The following XKR4 variants were observed in gnomAD, a reference collection of about 807,000 sequenced individuals.
XKR4 encodes the protein XK-related protein 4.
In XKR4, 12 loss-of-function variants were observed where a neutral mutation model predicts 53.9. The observed-to-expected ratio is 0.22, with a 90% CI of 0.14 to 0.36. The LOEUF is 0.36. Ranked by LOEUF, XKR4 falls within the 10% of genes least tolerant of loss-of-function variation. XKR4 has a pLI of 1.00. For missense variants in XKR4, 799 were observed against 859.5 expected, an observed-to-expected ratio of 0.93 and a Z score of 0.88; for synonymous variants, 354 against 362.4, an observed-to-expected ratio of 0.98 and a Z score of 0.26.
intron 1 of XKR4, among the ~76,000 whole-genome samples, chr8:55,254,395 G>C (rs932482217): frequency 1.3e-5 from 2 of 152,052 alleles, no homozygotes; most frequent in African/African-American, 2.4e-5. Flanking sequence ...CATGGCCCAC[G>C]GTTGTCATGG....
intron 2 of XKR4, among the ~76,000 whole-genome samples, chr8:55,391,879 T>C (rs982342752): frequency 2.6e-5 from 4 of 152,152 alleles, no homozygotes; most frequent in Non-Finnish European, 4.4e-5. Context: ...TAAAGAAAAA[T>C]AGAGACGCAA....
intron 1 of XKR4, among the ~76,000 whole-genome samples, chr8:55,259,456 G>A (rs190415648): frequency 1.3e-5 from 2 of 152,246 alleles, no homozygotes; most frequent in African/African-American, 2.4e-5. Context: ...AGAGAATGAC[G>A]GAGAGTGCCC....
rs910429488 is a variant in XKR4, at chr8:55,529,963, A to T, written c.*5736A>T. On this transcript the variant is annotated 3_prime_UTR_variant, in exon 3 of 3. Transcript: ENST00000327381. ...TCCCCCTCCTATGGCTCCACTATGT[A>T]TTCAATTAAGTGATAAATATAAATT... 6.6e-6 allele frequency: 1 copy of T among 152,218 alleles called. No individual in the cohort carries two copies. The highest frequency in any genetic ancestry group is 2.4e-5 in the African/African-American group (1 of 41,446). The allele number at this position is 152,218 out of a possible 1,614,324, so 9.4% of individuals were successfully genotyped here.
At position 55,102,891 on chromosome 8, in the gene XKR4, G is replaced by GACT; in HGVS notation, c.409_411dup (p.Tyr137dup). 2.5e-6 allele frequency: 4 copies of GACT among 1,612,160 alleles called. No homozygotes were observed. The highest frequency in any genetic ancestry group is 3.4e-6 in the Non-Finnish European group (4 of 1,179,922). On this transcript the variant is annotated inframe_insertion, in exon 1 of 3. Transcript: ENST00000327381. This position sits in a 1 kb window ranked among gnomAD's most constrained non-coding sequence, Gnocchi z 5.1. ...GGGCACAGACGTCTGGCTCGCCGTG[G>GACT]ACTACTACCTGCGCGGCCAGCGCTG...
chr8:55,228,923 T>C (rs2129366573), intron 1 of XKR4, among the ~76,000 whole-genome samples: 1 of 152,086 alleles, frequency 6.6e-6, no homozygotes, highest in Admixed American at 6.5e-5. Flanking sequence ...AGGGAATTTA[T>C]TAAAAGAAAA....
At chr8:55,301,262 T>G (rs1290461301) in intron 1 of XKR4, among the ~76,000 whole-genome samples, 2 of 151,172 alleles carry the variant, frequency 1.3e-5, no homozygotes, top group Non-Finnish European at 2.9e-5. Flanking sequence ...TTTTTGTCCT[T>G]GGGATAGTTT....
chr8:55,519,701 T>A (rs1292769508), intron 2 of XKR4, among the ~76,000 whole-genome samples: 1 of 152,186 alleles, frequency 6.6e-6, no homozygotes, highest in African/African-American at 2.4e-5. Context: ...TGATAGTGGA[T>A]TTTTTTAAAG....
chr8:55,103,131 C>G lies in XKR4; in HGVS notation c.643C>G (p.Gln215Glu). The G allele has an allele frequency of 6.2e-7, 1 of 1,613,780 alleles. No individual in the cohort carries two copies. Among genetic ancestry groups the G allele is most frequent in the Non-Finnish European group, 8.5e-7 (1 of 1,180,032 alleles). ...GGCTCGTCCTTCCACGCCGCAAAGG[C>G]AAGCATCTAACGCCAGCAAGAGCAA... ...GEARPSTPQR[Q>E]ASNASKSNIA... The change falls in exon 1 of 3, where the codon CAA becomes GAA. Residue 215 changes from glutamine to glutamate, a missense_variant. Physicochemically the swap from Gln to Glu is conservative, Grantham distance 29 (BLOSUM62 2). Around this residue, in one of 3 missense-constraint regions of XKR4, gnomAD observed 476 missense variants for 505.4 expected, o/e 0.94. Coordinates refer to ENST00000327381, the MANE Select transcript of XKR4 (RefSeq NM_052898.2).
At chr8:55,220,174 C>T (rs1345954519) in intron 1 of XKR4, among the ~76,000 whole-genome samples, 2 of 151,738 alleles carry the variant, frequency 1.3e-5, no homozygotes, top group South Asian at 2.1e-4. Context: ...CTTTGCATCC[C>T]CCATAAATAT....
chr8:55,393,470 A>G (rs904949589), intron 2 of XKR4, among the ~76,000 whole-genome samples: 2 of 151,142 alleles, frequency 1.3e-5, no homozygotes, highest in African/African-American at 4.9e-5. Context: ...AAGGAAGGAA[A>G]TAAGTGAAAC....
intron 2 of XKR4, among the ~76,000 whole-genome samples, chr8:55,395,462 A>T (rs1257553232): frequency 2.6e-5 from 4 of 152,094 alleles, no homozygotes; most frequent in African/African-American, 9.7e-5. Flanking sequence ...AGAGCACAGG[A>T]TGTGTACCAG....
intron 1 of XKR4, among the ~76,000 whole-genome samples, chr8:55,355,452 A>G (rs1023111426): frequency 6.6e-6 from 1 of 152,198 alleles, no homozygotes; most frequent in African/African-American, 2.4e-5. Flanking sequence ...AAAATACTGA[A>G]TGCTATCATT....
At chr8:55,495,919 T>C (rs1230974546) in intron 2 of XKR4, among the ~76,000 whole-genome samples, 4 of 152,260 alleles carry the variant, frequency 2.6e-5, no homozygotes. Flanking sequence ...CAAATGTATA[T>C]ATTCACACAC....
chr8:55,451,319 TAGAC>T (rs762822882), intron 2 of XKR4: 2 of 622,368 alleles, frequency 3.2e-6, no homozygotes, highest in Non-Finnish European at 2.9e-6. Flanking sequence ...GCCATGGGGT[TAGAC>T]AGAGTGGTGA....
chr8:55,523,339 G>T lies in XKR4; in HGVS notation c.1065G>T (p.Lys355Asn). Residue 355 changes from lysine (K) to asparagine (N), a missense_variant, in exon 3 of 3, where the codon AAG (lysine) becomes AAT (asparagine). Lys to Asn is a moderately conservative substitution (Grantham distance 94). This residue lies in a region of XKR4 where 476 missense variants were observed against 505.4 expected (regional missense o/e 0.94). Transcript: ENST00000327381. The stretch of plus-strand genomic sequence containing the variant: ...CCTGGGCCTTGGCCTCCTACCAGAA[G>T]GCCCTCCGGGACTCTCGAGATGACA... ...SLAWALASYQ[K>N]ALRDSRDDKK... The T allele has an allele frequency of 6.2e-7, 1 of 1,614,116 alleles. No homozygotes were observed. The highest frequency in any genetic ancestry group is 8.5e-7 in the Non-Finnish European group (1 of 1,179,988).
chr8:55,409,258 C>A (rs547943193), intron 2 of XKR4, among the ~76,000 whole-genome samples: 1 of 152,362 alleles, frequency 6.6e-6, no homozygotes, highest in South Asian at 2.1e-4. Flanking sequence ...CCTAGCTCTA[C>A]ACTAGAGTTT....
At chr8:55,449,360 A>T in intron 2 of XKR4, 4 of 591,624 alleles carry the variant, frequency 6.8e-6, no homozygotes, top group Non-Finnish European at 9.1e-6. Context: ...CGGGGCAGGG[A>T]CTAGGGCTGT....
At chr8:55,302,192 C>A (rs1234196606) in intron 1 of XKR4, among the ~76,000 whole-genome samples, 7 of 152,178 alleles carry the variant, frequency 4.6e-5, no homozygotes, top group Non-Finnish European at 1.0e-4. Context: ...AGGAAGGGAT[C>A]CAGTTTCAGC....
At chr8:55,219,704 A>C (rs1180402707) in intron 1 of XKR4, among the ~76,000 whole-genome samples, 5 of 152,188 alleles carry the variant, frequency 3.3e-5, no homozygotes, top group African/African-American at 1.2e-4. Flanking sequence ...TTTTTTTTAA[A>C]AATCCAAATC....
Sources: allele counts gnomAD v4.1 joint callset (sites outside exome capture counted in the v4.1 genomes callset), GRCh38; gene constraint gnomAD v4.1.1; regional missense constraint gnomAD v4.1.1; non-coding constraint Gnocchi (gnomAD v3.1); transcripts MANE v1.5; gene names NCBI Gene and HGNC (gene_info 2026-07-23, HGNC 2026-07-21).